The following STON1 variants were observed in gnomAD, a reference collection of about 807,000 sequenced individuals.
STON1 encodes the protein stonin-1.
Under a neutral mutation model 60.9 loss-of-function variants are expected in STON1, and 79 were observed. The ratio of observed to expected loss-of-function variants is 1.30; its 90% CI spans 1.08 to 1.56. STON1 has a LOEUF of 1.56. Ranked by LOEUF, STON1 falls within the 40% of genes most tolerant of loss-of-function variation. The pLI is 0.00. For missense variants in STON1, 1,166 were observed against 858.9 expected (o/e 1.36, Z -4.47); for synonymous variants, 363 against 306.9 (o/e 1.18, Z -1.91).
chr2:48,548,015 C>G (rs1671933261), intron 1 of STON1, among the ~76,000 whole-genome samples: 1 of 152,186 alleles, frequency 6.6e-6, no homozygotes, highest in African/African-American at 2.4e-5. Flanking sequence ...ATCCCATAGC[C>G]CTTCCTTTTG....
intron 1 of STON1, among the ~76,000 whole-genome samples, chr2:48,542,035 G>GA (rs1268651461): frequency 6.6e-6 from 1 of 152,172 alleles, no homozygotes; most frequent in Non-Finnish European, 1.5e-5. Context: ...ATGTTGAAAA[G>GA]AAAAAACATG....
chr2:48,568,265 A>G (rs1673032356), intron 1 of STON1, among the ~76,000 whole-genome samples: 1 of 152,106 alleles, frequency 6.6e-6, no homozygotes, highest in Admixed American at 6.5e-5. Flanking sequence ...ATTAGGGACC[A>G]CATTGGGGCG....
chr2:48,595,248 G>A lies in STON1; in HGVS notation c.2154G>A (p.Trp718Ter). 1 of 1,613,830 alleles carries A rather than the reference G, an allele frequency of 6.2e-7. No individual in the cohort carries two copies. Among genetic ancestry groups the A allele is most frequent in the African/African-American group, 1.3e-5 (1 of 75,014 alleles). The stretch of plus-strand genomic sequence containing the variant: ...AACAGGTTGAAATAGAAAAGAAGTG[G>A]ATTAAAATCGATGGAGAAGACCCAG... Reference protein sequence around the residue: ...YNIQVEIEKKWIKIDGEDPDK... With the variant: ...YNIQVEIEKK The change falls in exon 4 of 4, where the codon TGG becomes TGA. Residue 718 changes from tryptophan to a stop codon, truncating the protein, a stop_gained. Coordinates refer to ENST00000404752, the MANE Select transcript of STON1 (RefSeq NM_006873.4). LOFTEE classifies it high-confidence loss of function.
chr2:48,546,948 CAA>C (rs1326508743), intron 1 of STON1, among the ~76,000 whole-genome samples: 1 of 152,170 alleles, frequency 6.6e-6, no homozygotes, highest in Non-Finnish European at 1.5e-5. Context: ...CAGCTTACTT[CAA>C]ATCTTACTGA....
intron 1 of STON1, among the ~76,000 whole-genome samples, chr2:48,564,578 T>C (rs60875147): frequency 0.066 from 2,033 of 30,750 alleles, 425 homozygotes; most frequent in African/African-American, 0.24. Context: ...TCCTTCTCCT[T>C]CTCCTCCTCC....
At chr2:48,574,183 T>G (rs4953594) in intron 1 of STON1, among the ~76,000 whole-genome samples, 1 of 152,070 alleles carries the variant, frequency 6.6e-6, no homozygotes, top group African/African-American at 2.4e-5. Flanking sequence ...TGAGACCAGC[T>G]TGGCCAACAT....
chr2:48,564,480 T>TCC (rs1193330859), intron 1 of STON1, among the ~76,000 whole-genome samples: 79 of 32,438 alleles, frequency 2.4e-3, no homozygotes, highest in African/African-American at 3.6e-3. Flanking sequence ...CTTCTTCTTC[T>TCC]TTCTTCTTCT....
At position 48,567,730 on chromosome 2, in the gene STON1, G is replaced by A. The variant is rs139823119; in HGVS notation, c.-47-12857G>A. Among the ~76,000 whole-genome samples, 735 of 152,208 alleles carry A rather than the reference G, an allele frequency of 4.8e-3. 7 individuals are homozygous for A. The highest frequency in any genetic ancestry group is 0.016 in the African/African-American group (685 of 41,532). On this transcript the variant is annotated intron_variant, in intron 1 of 3. Transcript: ENST00000404752. The stretch of plus-strand genomic sequence containing the variant: ...GAATGGTATTTTAAATACTGTCATA[G>A]CAAGCCCTTAAGAAAATTCTTCACA...
intron 1 of STON1, among the ~76,000 whole-genome samples, chr2:48,546,505 T>G (rs1257826226): frequency 1.3e-5 from 2 of 152,266 alleles, no homozygotes; most frequent in Admixed American, 1.3e-4. Flanking sequence ...ATCACAGTTA[T>G]GGACACTTGC....
intron 2 of STON1, among the ~76,000 whole-genome samples, chr2:48,583,267 T>A (rs1674003679): frequency 6.6e-6 from 1 of 152,022 alleles, no homozygotes; most frequent in South Asian, 2.1e-4. Flanking sequence ...TTTTTGTTTT[T>A]TAGTAGAGAC....
intron 1 of STON1, among the ~76,000 whole-genome samples, chr2:48,552,406 G>A (rs1371917838): frequency 6.6e-6 from 1 of 152,118 alleles, no homozygotes; most frequent in Non-Finnish European, 1.5e-5. Flanking sequence ...AGATGAAAAA[G>A]TTTTAGAGGT....
At chr2:48,555,365 A>C (rs1310640616) in intron 1 of STON1, among the ~76,000 whole-genome samples, 1 of 33,896 alleles carries the variant, frequency 3.0e-5, no homozygotes, top group Admixed American at 2.6e-4. Flanking sequence ...CTGGCCGGGC[A>C]GAGGGGCTCC....
intron 1 of STON1, among the ~76,000 whole-genome samples, chr2:48,549,410 T>C (rs1308827990): frequency 6.6e-6 from 1 of 152,120 alleles, no homozygotes; most frequent in East Asian, 1.9e-4. Flanking sequence ...TCCATGGAAC[T>C]ATGCTTCAGA....
In STON1 at chr2:48,557,225, G is replaced by T. The variant is rs1316913562; in HGVS notation, c.-47-23362G>T. 5.5e-4 allele frequency among the ~76,000 whole-genome samples: 38 copies of T among 69,364 alleles called. 3 individuals carry two copies. Among genetic ancestry groups the T allele is most frequent in the Middle Eastern group, 7.8e-3 (1 of 128 alleles). 45.5% of individuals were successfully genotyped at this position (69,364 alleles called of 152,430 possible). A position where few individuals can be genotyped will look rare whatever the true frequency, so the allele number is the denominator to read the frequency against. On this transcript the variant is annotated intron_variant, in intron 1 of 3. Coordinates refer to ENST00000404752, the MANE Select transcript of STON1 (RefSeq NM_006873.4). Reference sequence around the variant, plus strand: ...GGCTCCTCACTTCTCAGACGGGGTGGTTGCCAGGCAGAGGGTCTCCTCACT... The same window carrying T: ...GGCTCCTCACTTCTCAGACGGGGTGTTTGCCAGGCAGAGGGTCTCCTCACT...
In STON1 at chr2:48,560,404, C is replaced by T. The variant is rs554663781; in HGVS notation, c.-47-20183C>T. Among the ~76,000 whole-genome samples, 5 of 152,288 alleles carry T rather than the reference C, an allele frequency of 3.3e-5. No individual in the cohort carries two copies. In the East Asian group the frequency reaches 7.7e-4, roughly 24 times the overall value. Reference sequence around the variant, plus strand: ...GCACCCCAGCCCAAACCTGGGGACCCCTTAGGGATAATGCCCTTTCTCATT... The same window carrying T: ...GCACCCCAGCCCAAACCTGGGGACCTCTTAGGGATAATGCCCTTTCTCATT... On this transcript the variant is annotated intron_variant, in intron 1 of 3. Coordinates refer to ENST00000404752, the MANE Select transcript of STON1 (RefSeq NM_006873.4).
intron 1 of STON1, among the ~76,000 whole-genome samples, chr2:48,559,826 G>C (rs1291114307): frequency 6.6e-6 from 1 of 152,120 alleles, no homozygotes; most frequent in African/African-American, 2.4e-5. Flanking sequence ...GAATAAGCAG[G>C]GGATGTGTGA....
At chr2:48,589,821 T>C (rs1361906013) in intron 2 of STON1, among the ~76,000 whole-genome samples, 1 of 152,232 alleles carries the variant, frequency 6.6e-6, no homozygotes, top group African/African-American at 2.4e-5. Flanking sequence ...AAAATTATAG[T>C]AATTAAATAA....
At position 48,564,644 on chromosome 2, in the gene STON1, CCTTCTT is replaced by C. The variant is rs1319184822; in HGVS notation, c.-47-15933_-47-15928del. Among the ~76,000 whole-genome samples the C allele has an allele frequency of 6.0e-5, 7 of 117,062 alleles. 2 individuals are homozygous for C. The highest frequency in any genetic ancestry group is 2.2e-4 in the African/African-American group (6 of 27,820). 76.8% of individuals were successfully genotyped at this position (117,062 alleles called of 152,430 possible). On this transcript the variant is annotated intron_variant, in intron 1 of 3. Transcript: ENST00000404752. ...TCCTTCTCCTTCTCTTTCTCCTTCT[CCTTCTT>C]CTTCTTCTTTCTTATTTCTTCTTCT... is the stretch of plus-strand genomic sequence containing the variant.
intron 1 of STON1, among the ~76,000 whole-genome samples, chr2:48,572,514 C>G (rs1196560819): frequency 6.6e-6 from 1 of 152,114 alleles, no homozygotes; most frequent in Admixed American, 6.5e-5. Flanking sequence ...GGGCTGCTTA[C>G]AAAGTAATGG....
Sources: allele counts gnomAD v4.1 joint callset (sites outside exome capture counted in the v4.1 genomes callset), GRCh38; gene constraint gnomAD v4.1.1; transcripts MANE v1.5; gene names NCBI Gene and HGNC (gene_info 2026-07-23, HGNC 2026-07-21).